RTN4: variants seen among roughly 807,000 people sequenced by gnomAD.
The protein encoded by RTN4 is reticulon-4.
A neutral mutation model predicts 90.4 loss-of-function variants in RTN4; 32 were observed. The observed-to-expected ratio is 0.35, with a 90% CI of 0.27 to 0.48. The LOEUF (loss-of-function observed/expected upper bound fraction) is 0.48, where lower values mean the gene tolerates loss of function less well. Among genes scored for constraint, RTN4 ranks in the 20% least tolerant of loss-of-function variants. The pLI, the probability that RTN4 is intolerant of heterozygous loss-of-function variation, is 0.99. For synonymous variants in RTN4, 629 were observed against 552.5 expected, an observed-to-expected ratio of 1.14 and a Z score of -1.94; for missense variants, 1,706 against 1,430.2, an observed-to-expected ratio of 1.19 and a Z score of -3.11.
intron 2 of RTN4, among the ~76,000 whole-genome samples, chr2:55,071,374 A>C (rs1305230882): frequency 1.3e-5 from 2 of 152,032 alleles, no homozygotes; most frequent in African/African-American, 4.8e-5. Context: ...AGGAGATGGA[A>C]AAGTGCTTTG....
intron 5 of RTN4, 87 bp from the exon 6 acceptor site, chr2:54,974,851 C>A (rs769455106): frequency 9.1e-7 from 1 of 1,103,526 alleles, no homozygotes; most frequent in East Asian, 2.4e-5. Context: ...ATCTAAATGC[C>A]TACCTACAAA....
At chr2:55,097,301 C>A (rs74417131) in intron 1 of RTN4, among the ~76,000 whole-genome samples, 239 of 108,804 alleles carry the variant, frequency 2.2e-3, no homozygotes, top group Non-Finnish European at 2.1e-3. Context: ...AATTCTGTCT[C>A]AAAAAAAAAA....
chr2:55,038,986 T>C (rs1225675725), intron 1 of RTN4, among the ~76,000 whole-genome samples: 2 of 152,198 alleles, frequency 1.3e-5, no homozygotes, highest in Admixed American at 1.3e-4. Context: ...TGAATGCAAG[T>C]AGCCAAGCAC....
chr2:55,021,206 T>A (rs549032694), intron 3 of RTN4, among the ~76,000 whole-genome samples: 1 of 152,298 alleles, frequency 6.6e-6, no homozygotes, highest in South Asian at 2.1e-4. Flanking sequence ...AGACCACTGC[T>A]GTATTTTGGT....
chr2:55,087,686 AC>A (rs1668868855), intron 1 of RTN4, among the ~76,000 whole-genome samples: 1 of 152,118 alleles, frequency 6.6e-6, no homozygotes, highest in East Asian at 1.9e-4. Context: ...CATCTGTGAG[AC>A]TATCTCAAGT....
intron 3 of RTN4, among the ~76,000 whole-genome samples, chr2:55,021,046 GTATTT>G (rs1189754363): frequency 6.6e-6 from 1 of 152,016 alleles, no homozygotes; most frequent in Non-Finnish European, 1.5e-5. Context: ...GAGGAAATTA[GTATTT>G]TATTATTTAA....
At chr2:55,109,202 A>G (rs982719128) in intron 1 of RTN4, among the ~76,000 whole-genome samples, 4 of 152,210 alleles carry the variant, frequency 2.6e-5, no homozygotes, top group Admixed American at 1.3e-4. Flanking sequence ...CTTTAAAAAT[A>G]AAAATGCACT....
chr2:55,063,424 TA>T (rs1668335173), intron 2 of RTN4, among the ~76,000 whole-genome samples: 1 of 151,800 alleles, frequency 6.6e-6, no homozygotes, highest in Non-Finnish European at 1.5e-5. Flanking sequence ...TTCACAGAAT[TA>T]AAAGGAGGCC....
In RTN4 at chr2:55,048,271, T is replaced by C. The variant is rs1463530634; in HGVS notation, c.556+1474A>G. ...TGAGTAGTGAGTGAATGTGAAGGCC[T>C]AGGACATTACCATGTACTACTGTAC... is the stretch of plus-strand genomic sequence containing the variant. On this transcript the variant is annotated intron_variant, in intron 1 of 8. Coordinates refer to ENST00000337526, the MANE Select transcript of RTN4 (RefSeq NM_020532.5). Among the ~76,000 whole-genome samples the C allele has an allele frequency of 4.6e-5, 7 of 152,248 alleles. No homozygotes were observed. In the South Asian group the frequency reaches 1.4e-3, roughly 31 times the overall value.
chr2:54,983,648 T>C (rs538591998), intron 4 of RTN4, among the ~76,000 whole-genome samples: 1 of 152,302 alleles, frequency 6.6e-6, no homozygotes, highest in Admixed American at 6.5e-5. Context: ...TTTAAGCACT[T>C]ACTATTTACG....
intron 5 of RTN4, among the ~76,000 whole-genome samples, chr2:54,976,707 A>G (rs1240774827): frequency 6.6e-6 from 1 of 152,240 alleles, no homozygotes; most frequent in Admixed American, 6.5e-5. Context: ...CCTAGAGAGT[A>G]ACCATTATTA....
At chr2:55,086,111 T>C (rs780036294) in intron 1 of RTN4, among the ~76,000 whole-genome samples, 3 of 152,164 alleles carry the variant, frequency 2.0e-5, no homozygotes, top group Non-Finnish European at 4.4e-5. Context: ...TCCTCAAGGA[T>C]AGCAGCTATT....
intron 5 of RTN4, among the ~76,000 whole-genome samples, 179 bp downstream of exon 5, chr2:54,982,336 G>A (rs1407821145): frequency 6.6e-6 from 1 of 151,976 alleles, no homozygotes. Context: ...AAAAAAAAAG[G>A]GAATAGCACT....
At position 54,973,543 on chromosome 2, in the gene RTN4, T is replaced by G; in HGVS notation, c.3536+20A>C. ...GCACACCTTATCCTAGTAAAAACAC[T>G]GCAGATTTTAAATACTTACTTAGCC... is the stretch of plus-strand genomic sequence containing the variant. On this transcript the variant is annotated intron_variant, in intron 8 of 8. Coordinates refer to ENST00000337526, the MANE Select transcript of RTN4 (RefSeq NM_020532.5). The G allele has an allele frequency of 6.4e-7, 1 of 1,570,186 alleles. No individual in the cohort carries two copies. Among genetic ancestry groups the G allele is most frequent in the Non-Finnish European group, 8.8e-7 (1 of 1,140,180 alleles).
intron 1 of RTN4, among the ~76,000 whole-genome samples, chr2:55,099,239 T>C (rs1001357464): frequency 1.3e-5 from 2 of 152,122 alleles, no homozygotes; most frequent in African/African-American, 2.4e-5. Flanking sequence ...AGTTCAATAA[T>C]GAGTTGCCTC....
chr2:55,108,954 G>A (rs1315917155), intron 1 of RTN4, among the ~76,000 whole-genome samples: 1 of 152,006 alleles, frequency 6.6e-6, no homozygotes, highest in African/African-American at 2.4e-5. Context: ...GAAGATCAAG[G>A]CCAGCAGCTT....
intron 3 of RTN4, among the ~76,000 whole-genome samples, chr2:55,003,272 T>C (rs1359270362): frequency 9.9e-5 from 15 of 152,204 alleles, no homozygotes; most frequent in African/African-American, 3.4e-4. Flanking sequence ...ACAGTACAAA[T>C]AATCATTAAT....
At position 55,025,369 on chromosome 2, in the gene RTN4, C is replaced by A; in HGVS notation, c.2730G>T (p.Leu910Phe). 6.2e-7 allele frequency: 1 copy of A among 1,613,950 alleles called. No individual in the cohort carries two copies. The highest frequency in any genetic ancestry group is 2.2e-5 in the East Asian group (1 of 44,880). The change falls in exon 3 of 9, where the codon TTG (leucine) becomes TTT (phenylalanine). Residue 910 changes from leucine (L) to phenylalanine (F), a missense_variant. Leu to Phe is a conservative substitution (Grantham distance 22, BLOSUM62 0). Transcript: ENST00000337526. ...GGTCATGGGGCAATTCTGTGCAAGG[C>A]AATGACCCAGCTCCATCCGGGGCAT... ...IANAPDGAGS[L>F]PCTELPHDLS... is the part of the protein sequence containing the mutation.
chr2:55,001,932 C>G (rs989154562), intron 3 of RTN4, among the ~76,000 whole-genome samples: 1 of 152,074 alleles, frequency 6.6e-6, no homozygotes. Flanking sequence ...TCTATGTATT[C>G]TAAAACCTTA....
Sources: allele counts gnomAD v4.1 joint callset (sites outside exome capture counted in the v4.1 genomes callset), GRCh38; gene constraint gnomAD v4.1.1; transcripts MANE v1.5; gene names NCBI Gene and HGNC (gene_info 2026-07-23, HGNC 2026-07-21).